Variants in PAWR observed in about 807,000 individuals in gnomAD.
The protein encoded by PAWR is PRKC apoptosis WT1 regulator protein.
Under a neutral mutation model 32.0 loss-of-function variants are expected in PAWR, and 23 were observed. The ratio of observed to expected loss-of-function variants is 0.72; its 90% CI spans 0.52 to 1.02. The LOEUF is 1.02. Among genes scored for constraint, PAWR ranks in the 50% least tolerant of loss-of-function variants. The probability of loss-of-function intolerance (pLI) is 0.00; values close to 1 mark genes in which losing one functional copy is unlikely to be tolerated. For missense variants in PAWR, 457 were observed against 437.7 expected (o/e 1.04, Z -0.39); for synonymous variants, 226 against 187.1 (o/e 1.21, Z -1.70).
At chr12:79,639,811 A>ATTCCTT (rs369339392) in intron 2 of PAWR, among the ~76,000 whole-genome samples, 6,981 of 129,680 alleles carry the variant, frequency 0.054, 1,393 homozygotes, top group African/African-American at 0.22. Flanking sequence ...TTTCCATTCC[A>ATTCCTT]TTCCTTTTCC....
chr12:79,672,739 A>G (rs1877969525), intron 2 of PAWR, among the ~76,000 whole-genome samples: 1 of 151,778 alleles, frequency 6.6e-6, no homozygotes, highest in African/African-American at 2.4e-5. Context: ...AAAAAAAAAG[A>G]TTCTAATTTT....
chr12:79,689,747 G>A lies in PAWR; in HGVS notation c.498C>T (p.Val166=). ...GGCTCACCTCTGCGGCAGGGATGTT[G>A]ACCACGCCGGTGGAGCGCCGCTTCT... ...LREKRRSTGV[V]NIPAAECLDE... Residue 166 remains valine (V), a synonymous_variant, in exon 2 of 7, where the codon GTC becomes GTT. Coordinates refer to ENST00000328827, the MANE Select transcript of PAWR (RefSeq NM_002583.4). 3.2e-6 allele frequency: 5 copies of A among 1,569,472 alleles called. No homozygotes were observed. The South Asian group carries it at 4.7e-5, about 15-fold the overall frequency.
intron 2 of PAWR, among the ~76,000 whole-genome samples, chr12:79,681,547 T>C (rs2136882902): frequency 6.6e-6 from 1 of 152,310 alleles, no homozygotes; most frequent in African/African-American, 2.4e-5. Context: ...TGGTTAAGTA[T>C]ACACACAAAT....
intron 3 of PAWR, among the ~76,000 whole-genome samples, chr12:79,620,149 T>C (rs8176877): frequency 3.3e-5 from 5 of 152,240 alleles, no homozygotes; most frequent in Admixed American, 1.3e-4. Context: ...TATGTTGCCA[T>C]GTATAATTTA....
chr12:79,645,302 T>C (rs1876521662), intron 2 of PAWR, among the ~76,000 whole-genome samples: 1 of 152,202 alleles, frequency 6.6e-6, no homozygotes, highest in African/African-American at 2.4e-5. Flanking sequence ...AATAAAACTA[T>C]CTGGTATTTC....
intron 2 of PAWR, among the ~76,000 whole-genome samples, chr12:79,648,626 A>G (rs2136790673): frequency 6.6e-6 from 1 of 150,986 alleles, no homozygotes; most frequent in South Asian, 2.1e-4. Context: ...CTAAAAAAAA[A>G]AAAAAAAAAA....
chr12:79,592,943 G>C (rs534261674), intron 6 of PAWR, among the ~76,000 whole-genome samples: 2 of 151,852 alleles, frequency 1.3e-5, no homozygotes, highest in Non-Finnish European at 2.9e-5. Flanking sequence ...CCGAAAGTCA[G>C]AATTTTAAAA....
chr12:79,621,183 C>T lies in PAWR; in HGVS notation c.541G>A (p.Glu181Lys), dbSNP rs1218501104. 6.2e-7 allele frequency: 1 copy of T among 1,611,150 alleles called. No homozygotes were observed. Among genetic ancestry groups the T allele is most frequent in the Admixed American group, 1.7e-5 (1 of 59,988 alleles). Residue 181 changes from glutamate to lysine, a missense_variant, in exon 3 of 7, where the codon GAA (glutamate) becomes AAA (lysine). Transcript: ENST00000328827. ...AECLDEYEDD[E>K]AGQKERKRED... is the part of the protein sequence containing the mutation. ...CGTTTCCGCTCTTTCTGCCCTGCTTCATCATCTTCGTACTCATCTAAGCAC... is the reference window on the plus strand; with the variant it reads ...CGTTTCCGCTCTTTCTGCCCTGCTTTATCATCTTCGTACTCATCTAAGCAC...
In PAWR at chr12:79,590,139, T is replaced by G. The variant is rs1000351907; in HGVS notation, c.*2468A>C. 4 of 152,082 alleles carry G rather than the reference T, an allele frequency of 2.6e-5. No individual in the cohort carries two copies. Among genetic ancestry groups the G allele is most frequent in the African/African-American group, 9.7e-5 (4 of 41,418 alleles). The allele number at this position is 152,082 out of a possible 1,614,324, so 9.4% of individuals were successfully genotyped here. Reference sequence around the variant, plus strand: ...TATCATTAAAGGCCAAAAAAATCACTGCTAGAAATGTTCCCCAAAAAATTC... The same window carrying G: ...TATCATTAAAGGCCAAAAAAATCACGGCTAGAAATGTTCCCCAAAAAATTC... On this transcript the variant is annotated 3_prime_UTR_variant, in exon 7 of 7. Transcript: ENST00000328827.
At chr12:79,617,219 G>GC (rs911159608) in intron 3 of PAWR, among the ~76,000 whole-genome samples, 7 of 152,158 alleles carry the variant, frequency 4.6e-5, no homozygotes, top group Non-Finnish European at 7.3e-5. Context: ...GGGCCTGGAG[G>GC]CAAGTGCCTG....
At chr12:79,661,173 C>T (rs1412079943) in intron 2 of PAWR, among the ~76,000 whole-genome samples, 3 of 145,872 alleles carry the variant, frequency 2.1e-5, no homozygotes, top group East Asian at 2.1e-4. Flanking sequence ...TGCTTGAACC[C>T]GGGAGGCGGA....
At chr12:79,662,654 A>C (rs1225723465) in intron 2 of PAWR, among the ~76,000 whole-genome samples, 1 of 152,260 alleles carries the variant, frequency 6.6e-6, no homozygotes, top group Non-Finnish European at 1.5e-5. Context: ...AAAAAGCAGA[A>C]GCCCAGCTCT....
chr12:79,610,619 G>A (rs955441277), intron 4 of PAWR, among the ~76,000 whole-genome samples: 1 of 151,844 alleles, frequency 6.6e-6, no homozygotes, highest in Non-Finnish European at 1.5e-5. Flanking sequence ...TGTTACATTA[G>A]GTGAGGAGTA....
chr12:79,602,169 C>T (rs1191313906), intron 4 of PAWR, among the ~76,000 whole-genome samples: 1 of 152,162 alleles, frequency 6.6e-6, no homozygotes, highest in Non-Finnish European at 1.5e-5. Context: ...GACCATCTGA[C>T]ACATAGAGCA....
intron 2 of PAWR, among the ~76,000 whole-genome samples, chr12:79,625,485 A>G (rs1261755602): frequency 6.6e-6 from 1 of 152,230 alleles, no homozygotes; most frequent in Non-Finnish European, 1.5e-5. Flanking sequence ...AAATTTTAAA[A>G]GTAACAGAGG....
intron 2 of PAWR, among the ~76,000 whole-genome samples, chr12:79,637,085 T>C (rs1230249359): frequency 6.6e-6 from 1 of 152,180 alleles, no homozygotes; most frequent in Non-Finnish European, 1.5e-5. Flanking sequence ...ATTATATAAA[T>C]GTAGTTCAAA....
At chr12:79,651,574 T>G (rs534221831) in intron 2 of PAWR, among the ~76,000 whole-genome samples, 1 of 152,038 alleles carries the variant, frequency 6.6e-6, no homozygotes, top group Non-Finnish European at 1.5e-5. Flanking sequence ...AAGACTCAAG[T>G]GACATTAAGA....
intron 2 of PAWR, among the ~76,000 whole-genome samples, chr12:79,623,250 ATC>A (rs1327537722): frequency 6.6e-6 from 1 of 152,148 alleles, no homozygotes; most frequent in East Asian, 1.9e-4. Flanking sequence ...GAAAAAAAAA[ATC>A]TCTCTCAGGA....
chr12:79,652,793 G>T (rs1017071708), intron 2 of PAWR, among the ~76,000 whole-genome samples: 1 of 152,134 alleles, frequency 6.6e-6, no homozygotes, highest in Non-Finnish European at 1.5e-5. Context: ...TTTAGTATTT[G>T]ACAAAGAGTT....
Sources: allele counts gnomAD v4.1 joint callset (sites outside exome capture counted in the v4.1 genomes callset), GRCh38; gene constraint gnomAD v4.1.1; transcripts MANE v1.5; gene names NCBI Gene and HGNC (gene_info 2026-07-23, HGNC 2026-07-21).